TMEM132B: variants seen among roughly 807,000 people sequenced by gnomAD.
TMEM132B encodes transmembrane protein 132B.
In TMEM132B, 18 loss-of-function variants were observed where a neutral mutation model predicts 90.8. That is an observed-to-expected ratio of 0.20 (90% CI 0.14 to 0.29). TMEM132B has a LOEUF of 0.29. Ranked by LOEUF, TMEM132B falls within the 10% of genes least tolerant of loss-of-function variation. The pLI is 1.00. For missense variants in TMEM132B, 1,096 were observed against 1,326.8 expected, an observed-to-expected ratio of 0.83 and a Z score of 2.70; for synonymous variants, 504 against 523.3, an observed-to-expected ratio of 0.96 and a Z score of 0.50.
intron 2 of TMEM132B, among the ~76,000 whole-genome samples, chr12:125,396,015 C>T (rs1436084414): frequency 6.6e-6 from 1 of 152,196 alleles, no homozygotes; most frequent in East Asian, 1.9e-4. Context: ...ATGGTTCCTC[C>T]TTGGACCAAT....
At chr12:125,475,456 C>T (rs1293062656) in intron 3 of TMEM132B, among the ~76,000 whole-genome samples, 1 of 152,130 alleles carries the variant, frequency 6.6e-6, no homozygotes, top group Non-Finnish European at 1.5e-5. Context: ...AGGAGATTAA[C>T]ATTTGAGTCA....
chr12:125,480,642 A>G (rs1882014062), intron 3 of TMEM132B, among the ~76,000 whole-genome samples: 2 of 152,230 alleles, frequency 1.3e-5, no homozygotes, highest in Admixed American at 6.5e-5. Context: ...CAAAAAGTTC[A>G]GGACCAGACG....
At chr12:125,613,539 A>C (rs921901476) in intron 5 of TMEM132B, among the ~76,000 whole-genome samples, 1 of 151,710 alleles carries the variant, frequency 6.6e-6, no homozygotes, top group Non-Finnish European at 1.5e-5. Flanking sequence ...GTAACATTTT[A>C]ATTTCTTTAA....
intron 4 of TMEM132B, among the ~76,000 whole-genome samples, chr12:125,562,013 G>T (rs911282392): frequency 5.9e-5 from 9 of 152,174 alleles, no homozygotes; most frequent in African/African-American, 2.2e-4. Flanking sequence ...TAAGAAGATG[G>T]AAGTGTTTCA....
intron 1 of TMEM132B, among the ~76,000 whole-genome samples, chr12:125,269,770 A>G (rs1382941122): frequency 6.6e-6 from 1 of 152,122 alleles, no homozygotes; most frequent in Non-Finnish European, 1.5e-5. Context: ...TTTCCCTCTC[A>G]TATACAAGCG....
At position 125,186,389 on chromosome 12, in the gene TMEM132B, C is replaced by G. The variant is rs1957760013; in HGVS notation, c.-411C>G. Among the ~76,000 whole-genome samples the G allele has an allele frequency of 6.7e-6, 1 of 148,280 alleles. No individual in the cohort carries two copies. Among genetic ancestry groups the G allele is most frequent in the African/African-American group, 2.4e-5 (1 of 41,030 alleles). Reference sequence around the variant, plus strand: ...CCCGGCGCTCGCTCGCTCGCTCACTCTCTCGCTGGCTCGAGGGGCGGCCGG... The same window carrying G: ...CCCGGCGCTCGCTCGCTCGCTCACTGTCTCGCTGGCTCGAGGGGCGGCCGG... On this transcript the variant is annotated 5_prime_UTR_variant, in exon 1 of 9. Transcript: ENST00000682704. The surrounding 1 kb of genome is among the most constrained non-coding windows in gnomAD (Gnocchi z 6.3).
At chr12:125,471,157 A>G (rs897904874) in intron 3 of TMEM132B, among the ~76,000 whole-genome samples, 1 of 152,072 alleles carries the variant, frequency 6.6e-6, no homozygotes, top group Non-Finnish European at 1.5e-5. Context: ...TGCTGCATTC[A>G]CTTCAGGGGA....
intron 1 of TMEM132B, among the ~76,000 whole-genome samples, chr12:125,191,224 G>GTGGTGGTGGTGA (rs1340294611): frequency 1.3e-5 from 2 of 148,618 alleles, no homozygotes; most frequent in African/African-American, 2.5e-5. Context: ...TGGGGAAGGG[G>GTGGTGGTGGTGA]TGGTGGTGGT....
At chr12:125,570,685 A>G (rs1297537085) in intron 4 of TMEM132B, among the ~76,000 whole-genome samples, 2 of 152,242 alleles carry the variant, frequency 1.3e-5, no homozygotes, top group East Asian at 1.9e-4. Context: ...TTTCAGCGTT[A>G]TATAATACAC....
At chr12:125,531,278 A>G (rs543168630) in intron 4 of TMEM132B, among the ~76,000 whole-genome samples, 28 of 152,186 alleles carry the variant, frequency 1.8e-4, no homozygotes, top group Non-Finnish European at 1.5e-5. Context: ...CTTAACCTCC[A>G]AGGCTCAAGT....
At chr12:125,543,427 T>C (rs886513992) in intron 4 of TMEM132B, among the ~76,000 whole-genome samples, 28 of 152,246 alleles carry the variant, frequency 1.8e-4, no homozygotes, top group African/African-American at 6.0e-4. Flanking sequence ...TTATAAGTAG[T>C]CTAGAGATTA....
At position 125,458,191 on chromosome 12, in the gene TMEM132B, G is replaced by A. The variant is rs919712923; in HGVS notation, c.1106+42514G>A. On this transcript the variant is annotated intron_variant, in intron 3 of 8. Transcript: ENST00000682704. The surrounding 1 kb of genome is among the most constrained non-coding windows in gnomAD (Gnocchi z 4.9). The stretch of plus-strand genomic sequence containing the variant: ...ATGGAGCTGAGTGGGAGGCAGTGGC[G>A]TCCCTGAGGCCAAAAACAAGGGCCT... 9.2e-5 allele frequency among the ~76,000 whole-genome samples: 14 copies of A among 152,002 alleles called. No homozygotes were observed. The highest frequency in any genetic ancestry group is 1.9e-4 in the Non-Finnish European group (13 of 67,958).
At chr12:125,423,097 G>T (rs1880215248) in intron 3 of TMEM132B, among the ~76,000 whole-genome samples, 1 of 152,194 alleles carries the variant, frequency 6.6e-6, no homozygotes, top group African/African-American at 2.4e-5. Context: ...ACAAGCATTG[G>T]CCTTTGAAGA....
intron 3 of TMEM132B, among the ~76,000 whole-genome samples, chr12:125,512,478 A>G (rs184567436): frequency 9.8e-5 from 15 of 152,356 alleles, no homozygotes; most frequent in Admixed American, 6.5e-4. Flanking sequence ...AATTTTCCCC[A>G]TCAGCCAGAA....
chr12:125,388,084 G>A (rs1878897329), intron 2 of TMEM132B, among the ~76,000 whole-genome samples: 1 of 152,166 alleles, frequency 6.6e-6, no homozygotes, highest in Non-Finnish European at 1.5e-5. Flanking sequence ...GGATTTGGTT[G>A]TGGGGGAGGT....
intron 6 of TMEM132B, among the ~76,000 whole-genome samples, chr12:125,647,449 G>A (rs935710992): frequency 6.6e-6 from 1 of 152,172 alleles, no homozygotes; most frequent in African/African-American, 2.4e-5. Context: ...GACAAAGACA[G>A]TCTTAAAAAC....
intron 1 of TMEM132B, among the ~76,000 whole-genome samples, chr12:125,341,019 C>A (rs981592489): frequency 6.6e-6 from 1 of 152,354 alleles, no homozygotes; most frequent in East Asian, 1.9e-4. Context: ...TGGACAGTGT[C>A]CAAATAGTGA....
rs376218579 is a variant in TMEM132B, at chr12:125,653,952, G to A, written c.2494G>A (p.Ala832Thr). Reference protein sequence around the residue: ...SIEREGNQERAVQEWFHRGTP... With the variant: ...SIEREGNQERTVQEWFHRGTP... ...AGAGCGCGAAGGAAACCAGGAGAGA[G>A]CAGTCCAGGAATGGTTCCACCGTGG... Residue 832 changes from alanine to threonine, a missense_variant, in exon 9 of 9, where the codon GCA becomes ACA. Coordinates refer to ENST00000682704, the MANE Select transcript of TMEM132B (RefSeq NM_001366854.1). 1.1e-5 allele frequency: 18 copies of A among 1,614,182 alleles called. No individual in the cohort carries two copies. The African/African-American group carries it at 2.0e-4, about 18-fold the overall frequency.
chr12:125,350,772 G>A (rs1010322786), intron 2 of TMEM132B, among the ~76,000 whole-genome samples: 4 of 152,248 alleles, frequency 2.6e-5, no homozygotes, highest in Non-Finnish European at 2.9e-5. Context: ...AGGTGCTTGG[G>A]AGGATGCGTC....
Sources: gnomAD v4.1 joint callset for allele counts (sites outside exome capture counted in the v4.1 genomes callset) on GRCh38, gnomAD v4.1.1 for gene constraint, Gnocchi (gnomAD v3.1) non-coding constraint, MANE v1.5 for transcripts, NCBI Gene and HGNC (gene_info 2026-07-23, HGNC 2026-07-21) for gene names.